Variants in NHSL2 observed in about 807,000 individuals in gnomAD.
The protein encoded by NHSL2 is NHS-like protein 2.
Under a neutral mutation model 53.4 loss-of-function variants are expected in NHSL2, and 27 were observed. The ratio of observed to expected loss-of-function variants is 0.51; its 90% CI spans 0.37 to 0.70. NHSL2 has a LOEUF of 0.70. NHSL2 is among the 30% of genes least tolerant of loss of function. The pLI is 0.00. For synonymous variants in NHSL2, 408 were observed against 404.1 expected (o/e 1.01, Z -0.12); for missense variants, 892 against 980.1 (o/e 0.91, Z 1.20).
At chrX:72,076,528 T>G (rs141354641) in intron 1 of NHSL2, among the ~76,000 whole-genome samples, 1,763 of 112,082 alleles carry the variant, frequency 0.016, 33 homozygotes, top group African/African-American at 0.053. Flanking sequence ...GTTGTTCTTA[T>G]GACCTCTGGG....
rs967397736 is a variant in NHSL2, at chrX:72,152,793, G to T, written c.*9219G>T. On this transcript the variant is annotated 3_prime_UTR_variant, in exon 8 of 8. Transcript: ENST00000633930. ...TTCTGTTTAGGATTTCCAGAATTAG[G>T]AAGGGAAACCAGGCTTGTGCCTTGG... 8.0e-5 allele frequency: 9 copies of T among 112,578 alleles called. No individual in the cohort carries two copies. The highest frequency in any genetic ancestry group is 1.3e-4 in the Non-Finnish European group (7 of 53,359). 9.3% of individuals were successfully genotyped at this position (112,578 alleles called of 1,213,427 possible).
At chrX:71,999,419 A>C (rs1023403660) in intron 1 of NHSL2, among the ~76,000 whole-genome samples, 3 of 112,652 alleles carry the variant, frequency 2.7e-5, no homozygotes, top group African/African-American at 6.5e-5. Flanking sequence ...GTGGTTTGCG[A>C]GAATCAATTG....
rs747626017 is a variant in NHSL2, at chrX:72,140,260, G to C, written c.2712G>C (p.Met904Ile). 1 of 1,208,109 alleles carries C rather than the reference G, an allele frequency of 8.3e-7. No homozygotes were observed. The highest frequency in any genetic ancestry group is 1.1e-6 in the Non-Finnish European group (1 of 894,493). Residue 904 changes from methionine (M) to isoleucine (I), a missense_variant, in exon 6 of 8, where the codon ATG becomes ATC. By Grantham distance (10) the Met-to-Ile change is conservative (BLOSUM62 1). Transcript: ENST00000633930. ...CACTAACTTCACCAACCTTGGCTAT[G>C]CCCCCCAGGAGCTCAATTCAACATG... ...EYALTSPTLA[M>I]PPRSSIQHAR...
chrX:72,090,235 T>A (rs1322547236), intron 1 of NHSL2, among the ~76,000 whole-genome samples: 2 of 110,731 alleles, frequency 1.8e-5, no homozygotes, highest in Non-Finnish European at 3.8e-5. Flanking sequence ...GGCTAATTTT[T>A]TGTATTTTTT....
intron 1 of NHSL2, among the ~76,000 whole-genome samples, chrX:72,044,103 G>A (rs1471179896): frequency 8.9e-6 from 1 of 111,927 alleles, no homozygotes; most frequent in Non-Finnish European, 1.9e-5. Flanking sequence ...GGAGAGAAGA[G>A]GATGGAGCTG....
At chrX:72,055,325 C>T (rs1279708576) in intron 1 of NHSL2, among the ~76,000 whole-genome samples, 6 of 112,108 alleles carry the variant, frequency 5.4e-5, no homozygotes, top group Non-Finnish European at 1.1e-4. Flanking sequence ...CATGGGAACG[C>T]GAGCGCTAAA....
At chrX:72,136,649 G>A (rs759299033) in intron 4 of NHSL2, among the ~76,000 whole-genome samples, 1 of 111,881 alleles carries the variant, frequency 8.9e-6, no homozygotes, top group African/African-American at 3.3e-5. Flanking sequence ...GGCCTTCTCT[G>A]AGAAAAGATC....
intron 1 of NHSL2, among the ~76,000 whole-genome samples, chrX:72,033,701 T>C (rs756240125): frequency 3.6e-5 from 4 of 112,527 alleles, no homozygotes; most frequent in African/African-American, 9.7e-5. Flanking sequence ...TTAGTGCTAA[T>C]ATATAGAAAT....
chrX:71,912,426 G>T (rs1489463972), intron 1 of NHSL2, among the ~76,000 whole-genome samples: 2 of 112,494 alleles, frequency 1.8e-5, no homozygotes, highest in African/African-American at 6.5e-5. Flanking sequence ...AGTTTCCAAT[G>T]GGGGCAGAAG....
intron 1 of NHSL2, among the ~76,000 whole-genome samples, chrX:71,919,079 G>A (rs2041643593): frequency 8.9e-6 from 1 of 112,189 alleles, no homozygotes; most frequent in Non-Finnish European, 1.9e-5. Flanking sequence ...ATTATCTCAG[G>A]GTGATGGGAT....
At chrX:72,096,062 TCTC>T (rs2041941324) in intron 1 of NHSL2, among the ~76,000 whole-genome samples, 1 of 108,575 alleles carries the variant, frequency 9.2e-6, no homozygotes, top group Non-Finnish European at 1.9e-5. Context: ...TAGCCAAAGA[TCTC>T]CTCATCCGAG....
At chrX:72,036,605 T>C (rs1467137490) in intron 1 of NHSL2, among the ~76,000 whole-genome samples, 2 of 111,948 alleles carry the variant, frequency 1.8e-5, no homozygotes, top group Non-Finnish European at 3.8e-5. Context: ...CTTCTGAGGC[T>C]CTGATCATAC....
intron 1 of NHSL2, among the ~76,000 whole-genome samples, chrX:72,073,446 G>T (rs1284886123): frequency 2.0e-4 from 22 of 112,187 alleles, no homozygotes; most frequent in African/African-American, 6.8e-4. Flanking sequence ...TCTGTATGTG[G>T]TGGGGAGGGG....
Position 72,032,387 on chromosome X carries a change from C to T in NHSL2, c.281-99692C>T, listed in dbSNP as rs760707861. Among the ~76,000 whole-genome samples, 197 of 110,210 alleles carry T rather than the reference C, an allele frequency of 1.8e-3. 1 individual carries two copies. The highest frequency in any genetic ancestry group is 6.2e-3 in the African/African-American group (186 of 30,165). On this transcript the variant is annotated intron_variant, in intron 1 of 7. Transcript: ENST00000633930. ...CCAGCCTGGGCGAAAGAGCGAGACTCAGTCTCAAAATGGTAATAATAATAA... is the reference window on the plus strand; with the variant it reads ...CCAGCCTGGGCGAAAGAGCGAGACTTAGTCTCAAAATGGTAATAATAATAA...
At chrX:71,990,962 T>G (rs2042024420) in intron 1 of NHSL2, among the ~76,000 whole-genome samples, 1 of 112,342 alleles carries the variant, frequency 8.9e-6, no homozygotes, top group Non-Finnish European at 1.9e-5. Flanking sequence ...GTCTAGGACA[T>G]TGGGAGTCAG....
chrX:71,964,031 A>ATATG (rs2041887584), intron 1 of NHSL2, among the ~76,000 whole-genome samples: 4 of 40,240 alleles, frequency 9.9e-5, no homozygotes, highest in East Asian at 1.3e-3. Flanking sequence ...ATATGTGTAT[A>ATATG]TATATATATA....
Position 72,090,814 on chromosome X carries a change from GA to G in NHSL2, c.281-41264del, listed in dbSNP as rs1244945928. On this transcript the variant is annotated intron_variant, in intron 1 of 7. Coordinates refer to ENST00000633930, the MANE Select transcript of NHSL2 (RefSeq NM_001013627.3). The stretch of plus-strand genomic sequence containing the variant: ...GTGTGTGTGTGTGTGTGTGTATGGA[GA>G]GGGGGTGGGGAAGAAAGATAGAGAA... Among the ~76,000 whole-genome samples the G allele has an allele frequency of 2.8e-5, 3 of 107,546 alleles. No individual in the cohort carries two copies. In the East Asian group the frequency reaches 8.5e-4, roughly 31 times the overall value. The allele number at this position is 107,546 out of a possible 115,157, so 93.4% of individuals were successfully genotyped here.
rs185285669 is a variant in NHSL2, at chrX:72,150,811, G to A, written c.*7237G>A. On this transcript the variant is annotated 3_prime_UTR_variant, in exon 8 of 8. Coordinates refer to ENST00000633930, the MANE Select transcript of NHSL2 (RefSeq NM_001013627.3). Reference sequence around the variant, plus strand: ...CCTTGTTTCTCCTGGACTTCCTCTCGTTTCTCTTTTCGAGGATGCTTAGAG... The same window carrying A: ...CCTTGTTTCTCCTGGACTTCCTCTCATTTCTCTTTTCGAGGATGCTTAGAG... The A allele has an allele frequency of 9.0e-6, 1 of 111,654 alleles. No individual in the cohort carries two copies. The highest frequency in any genetic ancestry group is 9.5e-5 in the Admixed American group (1 of 10,528). 9.2% of individuals were successfully genotyped at this position (111,654 alleles called of 1,213,427 possible). A position where few individuals can be genotyped will look rare whatever the true frequency, so the allele number is the denominator to read the frequency against.
At chrX:72,058,976 A>G (rs1435770298) in intron 1 of NHSL2, among the ~76,000 whole-genome samples, 1 of 111,590 alleles carries the variant, frequency 9.0e-6, no homozygotes, top group Non-Finnish European at 1.9e-5. Flanking sequence ...CTCAGACTGG[A>G]CCATCTCACC....
Sources: gnomAD v4.1 joint callset for allele counts (sites outside exome capture counted in the v4.1 genomes callset) on GRCh38, gnomAD v4.1.1 for gene constraint, MANE v1.5 for transcripts, NCBI Gene and HGNC (gene_info 2026-07-23, HGNC 2026-07-21) for gene names.